The following ANKRD11 variants were observed in gnomAD, a reference collection of about 807,000 sequenced individuals.
The protein encoded by ANKRD11 is ankyrin repeat domain 11, also known as ankyrin repeat domain-containing protein 11.
ANKRD11 carries 17 observed loss-of-function variants against 195.7 expected under a neutral mutation model. The observed-to-expected ratio is 0.09, with a 90% CI of 0.06 to 0.13. The LOEUF is 0.13. Among genes scored for constraint, ANKRD11 ranks in the 10% least tolerant of loss-of-function variants. ANKRD11 has a pLI of 1.00. For synonymous variants in ANKRD11, 1,953 were observed against 1,528.1 expected, an observed-to-expected ratio of 1.28 and a Z score of -6.49; for missense variants, 3,735 against 3,566.1, an observed-to-expected ratio of 1.05 and a Z score of -1.21.
At chr16:89,456,181 A>C (rs1413809983) in intron 1 of ANKRD11, among the ~76,000 whole-genome samples, 1 of 151,232 alleles carries the variant, frequency 6.6e-6, no homozygotes, top group Non-Finnish European at 1.5e-5. Context: ...CGGATGTTGC[A>C]GTGAACCGAG....
chr16:89,275,210 T>A lies in ANKRD11; in HGVS notation c.7471-19A>T. The A allele has an allele frequency of 6.3e-7, 1 of 1,590,944 alleles. No homozygotes were observed. Among genetic ancestry groups the A allele is most frequent in the Non-Finnish European group, 8.6e-7 (1 of 1,168,088 alleles). ...GTGCGATCTACAGGCAAAAGGTGAG[T>A]GTGGGGGGTCAGCTGGGGCTGTGGA... is the stretch of plus-strand genomic sequence containing the variant. On this transcript the variant is annotated intron_variant, in intron 9 of 12. Coordinates refer to ENST00000301030, the MANE Select transcript of ANKRD11 (RefSeq NM_013275.6).
chr16:89,274,972 G>A lies in ANKRD11; in HGVS notation c.7570-15C>T, dbSNP rs1262349114. ...ATCAGCTTCTCCTGAAGGAGGAGAG[G>A]AGTAGAGTGAGCTGGGACACAGCCA... On this transcript the variant is annotated splice_polypyrimidine_tract_variant and intron_variant, in intron 10 of 12. Coordinates refer to ENST00000301030, the MANE Select transcript of ANKRD11 (RefSeq NM_013275.6). 3 of 1,612,838 alleles carry A rather than the reference G, an allele frequency of 1.9e-6. No individual in the cohort carries two copies. Among genetic ancestry groups the A allele is most frequent in the East Asian group, 2.2e-5 (1 of 44,884 alleles).
chr16:89,288,020 C>G, intron 7 of ANKRD11: 1 of 512,872 alleles, frequency 1.9e-6, no homozygotes, highest in Non-Finnish European at 3.4e-6. Flanking sequence ...CACACCACGA[C>G]CTCTCTCGAC....
At chr16:89,368,785 G>A (rs2152074698) in intron 2 of ANKRD11, among the ~76,000 whole-genome samples, 2 of 152,134 alleles carry the variant, frequency 1.3e-5, no homozygotes, top group African/African-American at 4.8e-5. Flanking sequence ...GCACGCCTGT[G>A]GTTTCAGCTA....
chr16:89,481,949 T>C (rs2057457883), intron 1 of ANKRD11, among the ~76,000 whole-genome samples: 1 of 152,076 alleles, frequency 6.6e-6, no homozygotes, highest in Non-Finnish European at 1.5e-5. Flanking sequence ...ACTTCTTCCC[T>C]TAAATCTCCC....
chr16:89,279,051 T>C lies in ANKRD11; in HGVS notation c.7470+21A>G. 1 of 1,613,148 alleles carries C rather than the reference T, an allele frequency of 6.2e-7. No homozygotes were observed. The highest frequency in any genetic ancestry group is 8.5e-7 in the Non-Finnish European group (1 of 1,179,668). ...CATCCCAGAGAGAGAAGGCAGTGGC[T>C]CTCCCGGGCCCCGCACTCACCACGG... On this transcript the variant is annotated intron_variant, in intron 9 of 12. Transcript: ENST00000301030. The surrounding 1 kb of genome is among the most constrained non-coding windows in gnomAD (Gnocchi z 5.6).
At chr16:89,405,163 C>T (rs1418145351) in intron 2 of ANKRD11, among the ~76,000 whole-genome samples, 1 of 152,022 alleles carries the variant, frequency 6.6e-6, no homozygotes, top group Non-Finnish European at 1.5e-5. Context: ...CATTGCACTC[C>T]AGCCTGGGCG....
At chr16:89,389,652 G>C (rs1177337957) in intron 2 of ANKRD11, among the ~76,000 whole-genome samples, 1 of 152,244 alleles carries the variant, frequency 6.6e-6, no homozygotes, top group South Asian at 2.1e-4. Flanking sequence ...TGTGAACTCA[G>C]AGAAACGGCA....
chr16:89,352,530 G>A (rs746426520), intron 2 of ANKRD11, among the ~76,000 whole-genome samples: 10 of 152,206 alleles, frequency 6.6e-5, no homozygotes, highest in Admixed American at 1.3e-4. Context: ...AACACAGTGA[G>A]CGAGCCCTGC....
intron 7 of ANKRD11, chr16:89,287,990 G>A (rs912207269): frequency 1.9e-5 from 9 of 475,274 alleles, no homozygotes; most frequent in Non-Finnish European, 2.6e-5. Context: ...CCTGCTTTCC[G>A]GCAGGACGGG....
chr16:89,278,752 TGGAGAGG>T (rs749384543), intron 9 of ANKRD11: 1 of 519,832 alleles, frequency 1.9e-6, no homozygotes, highest in African/African-American at 2.2e-5. Flanking sequence ...GGACGGGGAG[TGGAGAGG>T]GGAGAGTGAG....
At chr16:89,430,361 C>A (rs1343037904) in intron 1 of ANKRD11, among the ~76,000 whole-genome samples, 5 of 148,096 alleles carry the variant, frequency 3.4e-5, no homozygotes, top group Non-Finnish European at 6.0e-5. Context: ...TCTCAACTCT[C>A]ACGCTCAGTC....
intron 2 of ANKRD11, among the ~76,000 whole-genome samples, chr16:89,320,574 A>ACCGTCCCAGCTT (rs1380634605): frequency 6.6e-6 from 1 of 152,168 alleles, no homozygotes; most frequent in East Asian, 1.9e-4. Flanking sequence ...GCGGATGGCA[A>ACCGTCCCAGCTT]CCGTCCCAGC....
In ANKRD11 at chr16:89,282,242, C is replaced by T. The variant is rs2034316792; in HGVS notation, c.4300G>A (p.Glu1434Lys). 2.5e-6 allele frequency: 4 copies of T among 1,613,990 alleles called. No homozygotes were observed. Among genetic ancestry groups the T allele is most frequent in the East Asian group, 2.2e-5 (1 of 44,874 alleles). The change falls in exon 9 of 13, where the codon GAG (glutamate) becomes AAG (lysine). Residue 1434 changes from glutamate (E) to lysine (K), a missense_variant. Transcript: ENST00000301030. ...STEKKDKNDSEREPSKKIEKE... is the reference protein window; with the variant it reads ...STEKKDKNDSKREPSKKIEKE... The stretch of plus-strand genomic sequence containing the variant: ...TCTATTTTCTTGGAAGGTTCTCTCT[C>T]GGAATCATTTTTATCTTTCTTTTCG...
intron 2 of ANKRD11, among the ~76,000 whole-genome samples, chr16:89,333,996 T>C (rs1207578917): frequency 1.3e-5 from 2 of 151,860 alleles, no homozygotes; most frequent in East Asian, 3.9e-4. Context: ...GTCAGATATA[T>C]CTAAGTTTCT....
chr16:89,462,942 TGGAGGTG>T (rs1227490504), intron 1 of ANKRD11, among the ~76,000 whole-genome samples: 37 of 131,622 alleles, frequency 2.8e-4, no homozygotes, highest in African/African-American at 9.2e-4. Context: ...GGGAGGGAGG[TGGAGGTG>T]GGGGGGGTCA....
chr16:89,465,823 G>A (rs1302379742), intron 1 of ANKRD11, among the ~76,000 whole-genome samples: 1 of 152,142 alleles, frequency 6.6e-6, no homozygotes, highest in East Asian at 1.9e-4. Context: ...CCATTCTCCT[G>A]CCTCAGCCTC....
chr16:89,327,521 A>G (rs2151954943), intron 2 of ANKRD11, among the ~76,000 whole-genome samples: 1 of 152,120 alleles, frequency 6.6e-6, no homozygotes, highest in South Asian at 2.1e-4. Flanking sequence ...AGAGTTCAGC[A>G]AGGACACAGA....
At chr16:89,328,478 C>T (rs2151957434) in intron 2 of ANKRD11, among the ~76,000 whole-genome samples, 1 of 152,388 alleles carries the variant, frequency 6.6e-6, no homozygotes, top group South Asian at 2.1e-4. Flanking sequence ...AACTGGGTTT[C>T]ATTCACATCA....
Sources: allele counts gnomAD v4.1 joint callset (sites outside exome capture counted in the v4.1 genomes callset), GRCh38; gene constraint gnomAD v4.1.1; non-coding constraint Gnocchi (gnomAD v3.1); transcripts MANE v1.5; gene names NCBI Gene and HGNC (gene_info 2026-07-23, HGNC 2026-07-21).